The following USP45 variants were observed in gnomAD, a reference collection of about 807,000 sequenced individuals.
USP45 encodes the protein ubiquitin specific peptidase 45.
A neutral mutation model predicts 95.8 loss-of-function variants in USP45; 89 were observed. The ratio of observed to expected loss-of-function variants is 0.93; its 90% confidence interval spans 0.78 to 1.11. The LOEUF (loss-of-function observed/expected upper bound fraction) is 1.11, where lower values mean the gene tolerates loss of function less well. USP45 is among the 50% of genes least tolerant of loss of function. The probability of loss-of-function intolerance (pLI) is 0.00; values close to 1 mark genes in which losing one functional copy is unlikely to be tolerated. For synonymous variants in USP45, 281 were observed against 316.2 expected, an observed-to-expected ratio of 0.89 and a Z score of 1.18; for missense variants, 898 against 942.5, an observed-to-expected ratio of 0.95 and a Z score of 0.62.
chr6:99,506,962 T>TG (rs1453835547), intron 4 of USP45, among the ~76,000 whole-genome samples: 3 of 152,310 alleles, frequency 2.0e-5, no homozygotes, highest in African/African-American at 7.2e-5. Context: ...TCCTAGCACT[T>TG]GGGGAGGCCA....
chr6:99,443,891 A>T (rs545969499), intron 14 of USP45, among the ~76,000 whole-genome samples: 54 of 152,334 alleles, frequency 3.5e-4, no homozygotes, highest in African/African-American at 1.2e-3. Context: ...GAGAGGTAAC[A>T]CGAAACAAAA....
At chr6:99,461,775 G>T (rs1026758115) in intron 13 of USP45, 1 of 982,610 alleles carries the variant, frequency 1.0e-6, no homozygotes, top group South Asian at 4.7e-5. Flanking sequence ...AAGATGCAAG[G>T]TGCTTCTATT....
At chr6:99,460,380 TG>T (rs1786130471) in intron 13 of USP45, among the ~76,000 whole-genome samples, 1 of 152,176 alleles carries the variant, frequency 6.6e-6, no homozygotes, top group Admixed American at 6.6e-5. Context: ...TGACCTTCTC[TG>T]GGTGTTTCCA....
intron 13 of USP45, among the ~76,000 whole-genome samples, chr6:99,454,316 T>C (rs1357005500): frequency 6.6e-6 from 1 of 152,086 alleles, no homozygotes; most frequent in Admixed American, 6.6e-5. Flanking sequence ...CAACTCAAGA[T>C]AGATAAAAGA....
At chr6:99,485,560 T>G (rs1289422448) in intron 7 of USP45, among the ~76,000 whole-genome samples, 1 of 152,118 alleles carries the variant, frequency 6.6e-6, no homozygotes, top group Non-Finnish European at 1.5e-5. Context: ...TCATGTGGGT[T>G]AGGGAAGTAG....
rs774045495 is a variant in USP45 at position 99,464,591 on chromosome 6, C to T, written c.1308+13G>A. The T allele has an allele frequency of 3.4e-5, 55 of 1,601,674 alleles. No homozygotes were observed. The highest frequency in any genetic ancestry group is 4.4e-5 in the Non-Finnish European group (52 of 1,176,682). ...TTAAAAAACAGACGTCTAACAGATG[C>T]TTATGGTCTTACCTTATCTTTAGAT... On this transcript the variant is annotated intron_variant, in intron 13 of 17. Coordinates refer to ENST00000500704, the MANE Select transcript of USP45 (RefSeq NM_001346022.3).
intron 9 of USP45, 34 bp from the exon 10 acceptor site, chr6:99,468,652 A>T: frequency 1.4e-6 from 2 of 1,433,230 alleles, no homozygotes; most frequent in South Asian, 1.2e-5. Context: ...CTGGTCTAAT[A>T]ATAGTTAACT....
At chr6:99,488,910 T>C in intron 5 of USP45, 90 bp from the exon 6 acceptor site, 1 of 977,492 alleles carries the variant, frequency 1.0e-6, no homozygotes. Context: ...AAATTAAATT[T>C]AAATAAGATT....
intron 13 of USP45, among the ~76,000 whole-genome samples, chr6:99,447,495 T>C (rs1782787737): frequency 6.6e-6 from 1 of 152,160 alleles, no homozygotes; most frequent in Non-Finnish European, 1.5e-5. Flanking sequence ...GGAAACAAAC[T>C]TTCCTATTAT....
intron 13 of USP45, among the ~76,000 whole-genome samples, chr6:99,450,259 A>G (rs1783548925): frequency 6.6e-6 from 1 of 152,168 alleles, no homozygotes; most frequent in Non-Finnish European, 1.5e-5. Flanking sequence ...GTTTTTTGAA[A>G]AGATCAACAA....
At chr6:99,465,796 C>T (rs1461246073) in intron 11 of USP45, among the ~76,000 whole-genome samples, 1 of 152,130 alleles carries the variant, frequency 6.6e-6, no homozygotes, top group Non-Finnish European at 1.5e-5. Flanking sequence ...CTATCATACT[C>T]TAAGTCATAC....
At chr6:99,500,257 T>G (rs1361811611) in intron 5 of USP45, among the ~76,000 whole-genome samples, 2 of 152,148 alleles carry the variant, frequency 1.3e-5, no homozygotes, top group Non-Finnish European at 2.9e-5. Flanking sequence ...CCTGAGTAGC[T>G]GGCGTTACAG....
intron 4 of USP45, among the ~76,000 whole-genome samples, chr6:99,505,821 C>T (rs6905020): frequency 0.85 from 129,487 of 152,080 alleles, 55,817 homozygotes; most frequent in East Asian, 0.99. Flanking sequence ...CCCAGAACTA[C>T]TAAATTAGAA....
At chr6:99,476,918 C>T (rs762639381) in intron 8 of USP45, among the ~76,000 whole-genome samples, 9 of 152,142 alleles carry the variant, frequency 5.9e-5, no homozygotes, top group Non-Finnish European at 1.3e-4. Flanking sequence ...AGATCAGGTA[C>T]TATTCATGGA....
At chr6:99,463,122 A>G (rs1284126215) in intron 13 of USP45, among the ~76,000 whole-genome samples, 2 of 152,176 alleles carry the variant, frequency 1.3e-5, no homozygotes, top group Non-Finnish European at 2.9e-5. Flanking sequence ...TTCATGGGAT[A>G]ATACAACAGC....
chr6:99,511,851 A>G (rs1362114746), intron 1 of USP45, among the ~76,000 whole-genome samples: 1 of 10,494 alleles, frequency 9.5e-5, no homozygotes, highest in Non-Finnish European at 1.7e-4. Flanking sequence ...GTGTGTATAT[A>G]TATATATATA....
At chr6:99,457,095 G>C (rs948971058) in intron 13 of USP45, among the ~76,000 whole-genome samples, 5 of 152,154 alleles carry the variant, frequency 3.3e-5, no homozygotes, top group Non-Finnish European at 7.3e-5. Context: ...ATTTTGGTCA[G>C]ACCGGGTGCT....
intron 13 of USP45, among the ~76,000 whole-genome samples, chr6:99,456,997 C>A (rs556100084): frequency 6.6e-6 from 1 of 152,338 alleles, no homozygotes; most frequent in East Asian, 1.9e-4. Flanking sequence ...GTAGCCGTCT[C>A]TTATGGTCGA....
chr6:99,439,928 A>C, intron 15 of USP45, 73 bp from the exon 16 acceptor site: 1 of 1,211,414 alleles, frequency 8.3e-7, no homozygotes, highest in Non-Finnish European at 1.2e-6. Flanking sequence ...CTAAAACCAA[A>C]AGAGAAATTG....
Sources: gnomAD v4.1 joint callset for allele counts (sites outside exome capture counted in the v4.1 genomes callset) on GRCh38, gnomAD v4.1.1 for gene constraint, MANE v1.5 for transcripts, NCBI Gene and HGNC (gene_info 2026-07-23, HGNC 2026-07-21) for gene names.